MICAL2: variants seen among roughly 807,000 people sequenced by gnomAD.
The protein encoded by MICAL2 is microtubule associated monooxygenase, calponin and LIM domain containing 2.
Under a neutral mutation model 127.3 loss-of-function variants are expected in MICAL2, and 77 were observed. The observed-to-expected ratio is 0.60, with a 90% CI of 0.50 to 0.73. The LOEUF is 0.73. Among genes scored for constraint, MICAL2 ranks in the 30% least tolerant of loss-of-function variants. The pLI, the probability that MICAL2 is intolerant of heterozygous loss-of-function variation, is 0.00. For synonymous variants in MICAL2, 570 were observed against 551.1 expected, an observed-to-expected ratio of 1.03 and a Z score of -0.48; for missense variants, 1,351 against 1,434.4, an observed-to-expected ratio of 0.94 and a Z score of 0.94.
At chr11:12,233,156 A>G (rs1330560941) in intron 15 of MICAL2, among the ~76,000 whole-genome samples, 2 of 152,200 alleles carry the variant, frequency 1.3e-5, no homozygotes, top group East Asian at 1.9e-4. Context: ...CTAGCACGTT[A>G]TAGTTTAAGA....
intron 29 of MICAL2, among the ~76,000 whole-genome samples, chr11:12,300,101 C>T (rs1864030312): frequency 6.6e-6 from 1 of 151,912 alleles, no homozygotes; most frequent in Non-Finnish European, 1.5e-5. Context: ...TCAAAACCAG[C>T]CTGGCCAACA....
intron 15 of MICAL2, among the ~76,000 whole-genome samples, chr11:12,229,559 C>T (rs912076673): frequency 2.0e-5 from 3 of 152,220 alleles, no homozygotes; most frequent in African/African-American, 7.2e-5. Context: ...CCATTCACCG[C>T]GTTTCTGCCA....
At chr11:12,117,259 G>T (rs1466448039) in intron 1 of MICAL2, among the ~76,000 whole-genome samples, 1 of 152,212 alleles carries the variant, frequency 6.6e-6, no homozygotes, top group Non-Finnish European at 1.5e-5. Context: ...GGCAGCAAGG[G>T]GTTGGACGGT....
chr11:12,344,564 A>AATCG (rs1938923064), intron 32 of MICAL2, among the ~76,000 whole-genome samples: 1 of 148,392 alleles, frequency 6.7e-6, no homozygotes, highest in South Asian at 2.1e-4. Flanking sequence ...GCAATGGTGC[A>AATCG]ATCGGGGTTC....
chr11:12,354,472 CA>C (rs11296730), intron 33 of MICAL2, among the ~76,000 whole-genome samples: 101,561 of 133,808 alleles, frequency 0.76, 39,671 homozygotes, highest in East Asian at 0.92. Context: ...ACTCTGTCTC[CA>C]AAAAAAAAAA....
chr11:12,284,177 C>A (rs1863799266), intron 2 of MICAL2, among the ~76,000 whole-genome samples: 1 of 152,190 alleles, frequency 6.6e-6, no homozygotes, highest in South Asian at 2.1e-4. Context: ...AGGAGAACAA[C>A]CTGCCCCGAA....
chr11:12,256,445 A>G (rs899262248), intron 23 of MICAL2: 5 of 197,014 alleles, frequency 2.5e-5, no homozygotes, highest in Admixed American at 2.3e-4. Context: ...TGGAAAGAAT[A>G]TCCTGGGGTG....
At chr11:12,145,837 G>T (rs11022200) in intron 2 of MICAL2, among the ~76,000 whole-genome samples, 72,466 of 151,932 alleles carry the variant, frequency 0.48, 17,914 homozygotes, top group South Asian at 0.68. Flanking sequence ...CCCAATGAAA[G>T]GTGTGCACAA....
At chr11:12,240,759 T>G (rs1859805944) in intron 17 of MICAL2, among the ~76,000 whole-genome samples, 1 of 152,210 alleles carries the variant, frequency 6.6e-6, no homozygotes, top group African/African-American at 2.4e-5. Flanking sequence ...CAGTGCCTGC[T>G]TAAGGCCCTG....
Position 12,255,732 on chromosome 11 carries a change from G to A in MICAL2, c.2937G>A (p.Gln979=). The A allele has an allele frequency of 4.3e-6, 7 of 1,613,698 alleles. No homozygotes were observed. The highest frequency in any genetic ancestry group is 4.2e-6 in the Non-Finnish European group (5 of 1,179,802). The part of the protein sequence containing the change: ...LYMNDHRPKA[Q]ATSPDLESMR... ...TGAATGATCACAGACCTAAGGCCCA[G>A]GCCACCTCTCCAGACCTGGTAAGGA... Residue 979 remains glutamine (Q), a synonymous_variant, in exon 23 of 28, where the codon CAG becomes CAA. Transcript: ENST00000683283.
intron 1 of MICAL2, among the ~76,000 whole-genome samples, chr11:12,113,174 C>T (rs1849736058): frequency 6.6e-6 from 1 of 152,204 alleles, no homozygotes; most frequent in Admixed American, 6.5e-5. Flanking sequence ...TCATTCTTTA[C>T]ATCATTCTAT....
At chr11:12,260,680 C>T (rs974251930) in intron 26 of MICAL2, 17 of 985,642 alleles carry the variant, frequency 1.7e-5, no homozygotes, top group East Asian at 2.3e-4. Context: ...TTTTACAACA[C>T]GAAAGCATAA....
intron 21 of MICAL2, among the ~76,000 whole-genome samples, chr11:12,245,386 A>C (rs999111526): frequency 1.3e-5 from 2 of 152,182 alleles, no homozygotes; most frequent in African/African-American, 4.8e-5. Flanking sequence ...ATTAGTGAAA[A>C]ATTAGAAGCT....
chr11:12,154,865 C>T (rs1853989064), intron 2 of MICAL2, among the ~76,000 whole-genome samples: 2 of 152,152 alleles, frequency 1.3e-5, no homozygotes, highest in Admixed American at 6.5e-5. Flanking sequence ...GAAGACCATA[C>T]TATTTCTGTA....
chr11:12,251,684 A>G (rs1195317168), intron 22 of MICAL2, among the ~76,000 whole-genome samples: 1 of 151,002 alleles, frequency 6.6e-6, no homozygotes, highest in East Asian at 2.0e-4. Context: ...AGGTGGGACC[A>G]GGTGTGGTCT....
At position 12,213,257 on chromosome 11, in the gene MICAL2, T is replaced by G. The variant is rs1855738113; in HGVS notation, c.694T>G (p.Phe232Val). The G allele has an allele frequency of 6.2e-7, 1 of 1,610,874 alleles. No homozygotes were observed. The highest frequency in any genetic ancestry group is 1.3e-5 in the African/African-American group (1 of 74,798). The change falls in exon 7 of 28, where the codon TTC becomes GTC. Residue 232 changes from phenylalanine (F) to valine (V), a missense_variant and splice_region_variant. By Grantham distance (50) the Phe-to-Val change is conservative. This residue lies in a region of MICAL2 where 599 missense variants were observed against 714.9 expected (regional missense o/e 0.84). Transcript: ENST00000683283. ...ADGRRNTLEG[F>V]RRKEFRGKLA... ...CTTTTTCATTTCTCCTCATGCAGGG[T>G]TCAGAAGAAAAGAATTCCGTGGGAA... is the stretch of plus-strand genomic sequence containing the variant.
chr11:12,189,404 A>G (rs1458145914), intron 3 of MICAL2, among the ~76,000 whole-genome samples: 1 of 152,158 alleles, frequency 6.6e-6, no homozygotes, highest in Admixed American at 6.5e-5. Flanking sequence ...ATGCCTAGAA[A>G]ATAGCTGTTC....
intron 11 of MICAL2, 24 bp from the exon 12 acceptor site, chr11:12,223,387 C>A (rs374605729): frequency 1.0e-5 from 16 of 1,602,514 alleles, no homozygotes; most frequent in Non-Finnish European, 1.3e-5. Flanking sequence ...AACTGGTGGG[C>A]AAGCATGTCT....
chr11:12,147,071 G>T (rs890641831), intron 2 of MICAL2, among the ~76,000 whole-genome samples: 2 of 151,822 alleles, frequency 1.3e-5, no homozygotes, highest in Non-Finnish European at 2.9e-5. Context: ...GGGGTGGGGG[G>T]AGCAGGGAAG....
Sources: allele counts gnomAD v4.1 joint callset (sites outside exome capture counted in the v4.1 genomes callset), GRCh38; gene constraint gnomAD v4.1.1; regional missense constraint gnomAD v4.1.1; transcripts MANE v1.5; gene names NCBI Gene and HGNC (gene_info 2026-07-23, HGNC 2026-07-21).